Variants in HSD17B7 observed in about 807,000 individuals in gnomAD.
HSD17B7 encodes the protein 3-keto-steroid reductase/17-beta-hydroxysteroid dehydrogenase 7.
In HSD17B7, 17 loss-of-function variants were observed where a neutral mutation model predicts 34.1. The ratio of observed to expected loss-of-function variants is 0.50; its 90% confidence interval spans 0.34 to 0.75. The LOEUF (loss-of-function observed/expected upper bound fraction) is 0.75, where lower values mean the gene tolerates loss of function less well. HSD17B7 is among the 30% of genes least tolerant of loss of function. The pLI is 0.01. For missense variants in HSD17B7, 296 were observed against 406.6 expected, an observed-to-expected ratio of 0.73 and a Z score of 2.34; for synonymous variants, 122 against 154.6, an observed-to-expected ratio of 0.79 and a Z score of 1.56.
intron 8 of HSD17B7, among the ~76,000 whole-genome samples, chr1:162,808,027 C>A (rs1649046490): frequency 6.6e-6 from 1 of 152,156 alleles, no homozygotes; most frequent in Non-Finnish European, 1.5e-5. Flanking sequence ...GTGTTTTAGA[C>A]ATGAAGTCCT....
chr1:162,809,896 C>A (rs1189258506), intron 8 of HSD17B7, among the ~76,000 whole-genome samples: 1 of 152,042 alleles, frequency 6.6e-6, no homozygotes, highest in Non-Finnish European at 1.5e-5. Context: ...TTTCAAAAAA[C>A]CAGCTCCTGG....
In HSD17B7 at chr1:162,812,408, C is replaced by T. The variant is rs1223883235; in HGVS notation, c.1014C>T (p.Gly338=). ...QKTDNQARLS[G]SCL ...CAGATAATCAGGCCAGGCTCAGTGG[C>T]TCATGCCTATAATTCCAGCACTTTG... The change falls in exon 9 of 9, where the codon GGC becomes GGT. Residue 338 remains glycine (G), a synonymous_variant. Coordinates refer to ENST00000254521, the MANE Select transcript of HSD17B7 (RefSeq NM_016371.4). 5.0e-6 allele frequency: 8 copies of T among 1,587,836 alleles called. No individual in the cohort carries two copies. Among genetic ancestry groups the T allele is most frequent in the Non-Finnish European group, 6.9e-6 (8 of 1,165,228 alleles).
intron 8 of HSD17B7, among the ~76,000 whole-genome samples, chr1:162,807,176 A>C (rs537215250): frequency 4.6e-4 from 70 of 152,116 alleles, no homozygotes; most frequent in Admixed American, 2.4e-3. Context: ...TCCTGTGTCC[A>C]AGTGTTATCA....
chr1:162,802,116 A>C (rs1648832048), intron 5 of HSD17B7, among the ~76,000 whole-genome samples: 1 of 152,192 alleles, frequency 6.6e-6, no homozygotes, highest in African/African-American at 2.4e-5. Flanking sequence ...TTAATTATCC[A>C]TGCATGCTCC....
chr1:162,792,895 T>C, intron 2 of HSD17B7, 33 bp downstream of exon 2: 4 of 1,600,568 alleles, frequency 2.5e-6, no homozygotes, highest in Non-Finnish European at 3.4e-6. Context: ...TTTTTTCTCA[T>C]GTGATTGTGC....
intron 5 of HSD17B7, 146 bp downstream of exon 5, chr1:162,800,083 A>G (rs1648755777): frequency 1.1e-5 from 8 of 746,122 alleles, no homozygotes; most frequent in Non-Finnish European, 1.9e-5. Flanking sequence ...TAGGGCAGAG[A>G]TAATTGGCTC....
At chr1:162,799,656 T>C in intron 4 of HSD17B7, 87 bp from the exon 5 acceptor site, 2 of 777,746 alleles carry the variant, frequency 2.6e-6, no homozygotes, top group East Asian at 2.7e-5. Flanking sequence ...CTGACCCTAA[T>C]CTCTTACCAT....
At chr1:162,795,036 C>CT (rs912616660) in intron 2 of HSD17B7, among the ~76,000 whole-genome samples, 1 of 151,958 alleles carries the variant, frequency 6.6e-6, no homozygotes, top group African/African-American at 2.4e-5. Flanking sequence ...GCAAAACAGC[C>CT]TTTTTTTTGA....
At chr1:162,807,462 GA>G (rs1158978513) in intron 8 of HSD17B7, among the ~76,000 whole-genome samples, 1 of 152,196 alleles carries the variant, frequency 6.6e-6, no homozygotes, top group Non-Finnish European at 1.5e-5. Flanking sequence ...ATAGCAGCAT[GA>G]TTTATAATCC....
chr1:162,805,615 C>A (rs1276951568), intron 8 of HSD17B7, 123 bp downstream of exon 8: 14 of 1,424,228 alleles, frequency 9.8e-6, no homozygotes, highest in Admixed American at 2.6e-5. Context: ...TCACCAGCAT[C>A]ACACTGGCCT....
At chr1:162,800,442 G>A (rs755983910) in intron 5 of HSD17B7, 50 of 374,024 alleles carry the variant, frequency 1.3e-4, no homozygotes, top group Non-Finnish European at 2.4e-4. Flanking sequence ...GTTTGTCATA[G>A]CAGACGTTTA....
rs372913041 is a variant in HSD17B7 at position 162,803,482 on chromosome 1, T to C, written c.694T>C (p.Tyr232His). Residue 232 changes from tyrosine (Y) to histidine (H), a missense_variant, in exon 6 of 9, where the codon TAT becomes CAT. By Grantham distance (83) the Tyr-to-His change is moderately conservative (BLOSUM62 2). Coordinates refer to ENST00000254521, the MANE Select transcript of HSD17B7 (RefSeq NM_016371.4). ...CPGTALTNLT[Y>H]GILPPFIWTL... is the part of the protein sequence containing the mutation. ...AGGTACAGCATTGACCAATTTGACA[T>C]ATGGAATTCTGCCTCCGTTTATATG... 17 of 1,612,990 alleles carry C rather than the reference T, an allele frequency of 1.1e-5. No individual in the cohort carries two copies. The highest frequency in any genetic ancestry group is 1.4e-5 in the Non-Finnish European group (16 of 1,179,230).
chr1:162,804,783 G>A (rs1200850277), intron 7 of HSD17B7, among the ~76,000 whole-genome samples: 1 of 152,214 alleles, frequency 6.6e-6, no homozygotes, highest in Admixed American at 6.5e-5. Flanking sequence ...TTATTAGGAA[G>A]CCAGTGGAGT....
At position 162,812,313 on chromosome 1, in the gene HSD17B7, G is replaced by A; in HGVS notation, c.919G>A (p.Asp307Asn). Residue 307 changes from aspartate (D) to asparagine (N), a missense_variant, in exon 9 of 9, where the codon GAC becomes AAC. By Grantham distance (23) the Asp-to-Asn change is conservative. Coordinates refer to ENST00000254521, the MANE Select transcript of HSD17B7 (RefSeq NM_016371.4). The part of the protein sequence containing the change: ...IMTQKMDLDE[D>N]TAEKFYQKLL... ...TCTTTTCCAGATGGACCTAGATGAAGACACTGCTGAAAAATTTTATCAAAA... is the reference window on the plus strand; with the variant it reads ...TCTTTTCCAGATGGACCTAGATGAAAACACTGCTGAAAAATTTTATCAAAA... 1 of 1,612,590 alleles carries A rather than the reference G, an allele frequency of 6.2e-7. No homozygotes were observed. Among genetic ancestry groups the A allele is most frequent in the South Asian group, 1.1e-5 (1 of 90,902 alleles).
At chr1:162,803,607 G>C (rs1455760439) in intron 6 of HSD17B7, 72 bp downstream of exon 6, 2 of 1,534,022 alleles carry the variant, frequency 1.3e-6, no homozygotes, top group South Asian at 1.2e-5. Flanking sequence ...TATGTTTAAG[G>C]GTTGGGAAAT....
chr1:162,794,477 AC>A (rs1018163152), intron 2 of HSD17B7, among the ~76,000 whole-genome samples: 26 of 152,270 alleles, frequency 1.7e-4, no homozygotes, highest in African/African-American at 5.5e-4. Flanking sequence ...AGAAAAAAAA[AC>A]AAAAAACCTG....
At position 162,797,935 on chromosome 1, in the gene HSD17B7, T is replaced by A. The variant is rs1290238560; in HGVS notation, c.447+19T>A. On this transcript the variant is annotated intron_variant, in intron 4 of 8. Coordinates refer to ENST00000254521, the MANE Select transcript of HSD17B7 (RefSeq NM_016371.4). ...TATCCTGGTAAAGAAGCTGTGGGCTTAATAAGCTAATATTTCGTGTGATAG... is the reference window on the plus strand; with the variant it reads ...TATCCTGGTAAAGAAGCTGTGGGCTAAATAAGCTAATATTTCGTGTGATAG... The A allele has an allele frequency of 1.2e-6, 2 of 1,612,442 alleles. No homozygotes were observed. The highest frequency in any genetic ancestry group is 2.7e-5 in the African/African-American group (2 of 74,870).
At position 162,799,959 on chromosome 1, in the gene HSD17B7, C is replaced by T. The variant is rs374197016; in HGVS notation, c.642+22C>T. On this transcript the variant is annotated intron_variant, in intron 5 of 8. Coordinates refer to ENST00000254521, the MANE Select transcript of HSD17B7 (RefSeq NM_016371.4). ...GCAGGTAAGGCCTGTCTCAGTGATA[C>T]GGAAATGGCAGAGGAGGGTTCTCTT... is the stretch of plus-strand genomic sequence containing the variant. The T allele has an allele frequency of 1.7e-4, 272 of 1,606,846 alleles. No individual in the cohort carries two copies. The African/African-American group carries it at 2.5e-3, about 15-fold the overall frequency.
chr1:162,809,898 A>C (rs1486859131), intron 8 of HSD17B7, among the ~76,000 whole-genome samples: 3 of 152,056 alleles, frequency 2.0e-5, no homozygotes, highest in Non-Finnish European at 4.4e-5. Flanking sequence ...TCAAAAAACC[A>C]GCTCCTGGAT....
Sources: gnomAD v4.1 joint callset for allele counts (sites outside exome capture counted in the v4.1 genomes callset) on GRCh38, gnomAD v4.1.1 for gene constraint, MANE v1.5 for transcripts, NCBI Gene and HGNC (gene_info 2026-07-23, HGNC 2026-07-21) for gene names.